Variants in FSTL4 observed in about 807,000 individuals in gnomAD.
FSTL4 encodes the protein follistatin-related protein 4.
FSTL4 carries 28 observed loss-of-function variants against 78.2 expected under a neutral mutation model. That is an observed-to-expected ratio of 0.36 (90% CI 0.27 to 0.49). The LOEUF (loss-of-function observed/expected upper bound fraction) is 0.49, where lower values mean the gene tolerates loss of function less well. Among genes scored for constraint, FSTL4 ranks in the 20% least tolerant of loss-of-function variants. The pLI is 0.98. For synonymous variants in FSTL4, 422 were observed against 440.5 expected, an observed-to-expected ratio of 0.96 and a Z score of 0.53; for missense variants, 922 against 1,084.9, an observed-to-expected ratio of 0.85 and a Z score of 2.11.
At chr5:133,541,061 G>C (rs1489311774) in intron 3 of FSTL4, among the ~76,000 whole-genome samples, 2 of 152,100 alleles carry the variant, frequency 1.3e-5, no homozygotes, top group Non-Finnish European at 2.9e-5. Context: ...GTGTTTTGAG[G>C]TTTTGTCATG....
chr5:133,269,833 A>T (rs1011793634), intron 6 of FSTL4, among the ~76,000 whole-genome samples: 3 of 152,234 alleles, frequency 2.0e-5, no homozygotes, highest in Non-Finnish European at 4.4e-5. Flanking sequence ...ACCCTTATGA[A>T]TATGGGTTTG....
intron 3 of FSTL4, among the ~76,000 whole-genome samples, chr5:133,519,482 A>T (rs1269534943): frequency 6.6e-6 from 1 of 152,208 alleles, no homozygotes; most frequent in Non-Finnish European, 1.5e-5. Context: ...TCATGCCGCC[A>T]ATCACCAACG....
intron 4 of FSTL4, among the ~76,000 whole-genome samples, chr5:133,341,244 T>TA (rs59110936): frequency 1.5e-4 from 23 of 149,812 alleles, no homozygotes; most frequent in Non-Finnish European, 3.0e-4. Context: ...TTTTTTTTTT[T>TA]ACTTAGGGGA....
chr5:133,677,814 C>A, the FSTL4 span, among the ~76,000 whole-genome samples: 1 of 152,192 alleles, frequency 6.6e-6, no homozygotes, highest in African/African-American at 2.4e-5. Flanking sequence ...TATTTATGGA[C>A]AAATAACTAC....
At chr5:133,343,184 G>A (rs1356667900) in intron 4 of FSTL4, among the ~76,000 whole-genome samples, 1 of 152,228 alleles carries the variant, frequency 6.6e-6, no homozygotes, top group Non-Finnish European at 1.5e-5. Context: ...AAAGCAGGGT[G>A]CGGATTCCCT....
chr5:133,360,069 C>G (rs1314418672), intron 4 of FSTL4, among the ~76,000 whole-genome samples: 1 of 152,266 alleles, frequency 6.6e-6, no homozygotes, highest in Non-Finnish European at 1.5e-5. Flanking sequence ...ACAGCCCTAA[C>G]AGTGGACCCT....
At chr5:133,553,394 C>T (rs1759727639) in intron 3 of FSTL4, among the ~76,000 whole-genome samples, 1 of 152,186 alleles carries the variant, frequency 6.6e-6, no homozygotes, top group Admixed American at 6.5e-5. Flanking sequence ...GCAGACTTGC[C>T]TTAGAGCTGA....
At chr5:133,398,114 G>A (rs1393113205) in intron 4 of FSTL4, among the ~76,000 whole-genome samples, 1 of 152,132 alleles carries the variant, frequency 6.6e-6, no homozygotes, top group African/African-American at 2.4e-5. Context: ...CCCCCCTGGA[G>A]CCATGGTTCT....
chr5:133,486,174 GGA>G (rs1229537698), intron 3 of FSTL4, among the ~76,000 whole-genome samples: 1 of 152,080 alleles, frequency 6.6e-6, no homozygotes, highest in Non-Finnish European at 1.5e-5. Context: ...GGGGAAGGAA[GGA>G]GAGAGAGATC....
intron 3 of FSTL4, among the ~76,000 whole-genome samples, chr5:133,449,351 T>C (rs1757334555): frequency 6.6e-6 from 1 of 152,176 alleles, no homozygotes. Flanking sequence ...TGGAGTTCCG[T>C]GGCATCAGGC....
intron 3 of FSTL4, among the ~76,000 whole-genome samples, chr5:133,508,168 C>A (rs1321084763): frequency 6.6e-6 from 1 of 152,284 alleles, no homozygotes; most frequent in East Asian, 1.9e-4. Flanking sequence ...AATAGCACCA[C>A]CCCCTCAAAG....
intron 2 of FSTL4, among the ~76,000 whole-genome samples, chr5:133,573,336 A>G (rs1025693610): frequency 6.6e-6 from 1 of 152,214 alleles, no homozygotes; most frequent in Non-Finnish European, 1.5e-5. Context: ...ATCCAACTAT[A>G]TGCTGCCTAC....
intron 2 of FSTL4, among the ~76,000 whole-genome samples, chr5:133,582,358 T>C (rs1298096430): frequency 6.6e-6 from 1 of 152,058 alleles, no homozygotes; most frequent in Non-Finnish European, 1.5e-5. Flanking sequence ...ATCTGCAAAA[T>C]GAGGTAGGGT....
chr5:133,778,985 G>T, the FSTL4 span, among the ~76,000 whole-genome samples: 1 of 152,188 alleles, frequency 6.6e-6, no homozygotes, highest in Non-Finnish European at 1.5e-5. Flanking sequence ...TCAGAGGAAG[G>T]TTACTTCTTG....
chr5:133,781,735 A>G, the FSTL4 span, among the ~76,000 whole-genome samples: 2 of 152,190 alleles, frequency 1.3e-5, no homozygotes, highest in African/African-American at 4.8e-5. Context: ...CACAATCAGC[A>G]TGCCCACCTC....
At chr5:133,269,019 A>C (rs1347746801) in intron 6 of FSTL4, among the ~76,000 whole-genome samples, 1 of 152,004 alleles carries the variant, frequency 6.6e-6, no homozygotes, top group Admixed American at 6.5e-5. Flanking sequence ...ATCTCTACTA[A>C]AAATACAAAA....
chr5:133,763,239 G>A, the FSTL4 span, among the ~76,000 whole-genome samples: 3,945 of 152,272 alleles, frequency 0.026, 133 homozygotes, highest in African/African-American at 0.081. Context: ...TAGGCCACTG[G>A]CCATGTTTAC....
intron 6 of FSTL4, among the ~76,000 whole-genome samples, chr5:133,264,991 A>G (rs1304078221): frequency 1.3e-5 from 2 of 152,126 alleles, no homozygotes; most frequent in Non-Finnish European, 2.9e-5. Context: ...CATCTTAACA[A>G]TTACAGCCAG....
intron 14 of FSTL4, among the ~76,000 whole-genome samples, chr5:133,204,971 G>T (rs1354306660): frequency 2.0e-5 from 3 of 152,032 alleles, no homozygotes; most frequent in Non-Finnish European, 4.4e-5. Flanking sequence ...CAGTGATGAA[G>T]GTAGGTTTAT....
Sources: gnomAD v4.1 joint callset for allele counts (sites outside exome capture counted in the v4.1 genomes callset) on GRCh38, gnomAD v4.1.1 for gene constraint, MANE v1.5 for transcripts, NCBI Gene and HGNC (gene_info 2026-07-23, HGNC 2026-07-21) for gene names.